The following PELI1 variants were observed in gnomAD, a reference collection of about 807,000 sequenced individuals.
PELI1 encodes pellino E3 ubiquitin protein ligase 1.
In PELI1, 15 loss-of-function variants were observed where a neutral mutation model predicts 41.3. The ratio of observed to expected loss-of-function variants is 0.36; its 90% CI spans 0.24 to 0.56. The LOEUF (loss-of-function observed/expected upper bound fraction) is 0.56, where lower values mean the gene tolerates loss of function less well. PELI1 is among the 20% of genes least tolerant of loss of function. The pLI, the probability that PELI1 is intolerant of heterozygous loss-of-function variation, is 0.82. For synonymous variants in PELI1, 178 were observed against 180.1 expected, an observed-to-expected ratio of 0.99 and a Z score of 0.09; for missense variants, 403 against 525.5, an observed-to-expected ratio of 0.77 and a Z score of 2.28.
chr2:64,108,388 GA>G lies in PELI1; in HGVS notation c.-69-10del. ...ACCTTTTGCATTATTTCCTAGAGGGGAAAAGTTTTCATTAATAATGTGAACA... is the reference window on the plus strand; with the variant it reads ...ACCTTTTGCATTATTTCCTAGAGGGGAAAGTTTTCATTAATAATGTGAACA... On this transcript the variant is annotated splice_polypyrimidine_tract_variant and intron_variant, in intron 1 of 6. Transcript: ENST00000358912. The G allele has an allele frequency of 1.2e-6, 1 of 837,464 alleles. No individual in the cohort carries two copies. 51.9% of individuals were successfully genotyped at this position (837,464 alleles called of 1,614,324 possible).
chr2:64,136,222 T>C (rs543599609), intron 1 of PELI1, among the ~76,000 whole-genome samples: 1 of 152,306 alleles, frequency 6.6e-6, no homozygotes, highest in East Asian at 1.9e-4. Flanking sequence ...ATCAAAGGTT[T>C]TAAAAGACTT....
At chr2:64,142,735 T>A (rs1375640977) in intron 1 of PELI1, among the ~76,000 whole-genome samples, 1 of 152,192 alleles carries the variant, frequency 6.6e-6, no homozygotes, top group Non-Finnish European at 1.5e-5. Context: ...AAAGTGAACC[T>A]TTACCACAAT....
intron 1 of PELI1, among the ~76,000 whole-genome samples, chr2:64,121,828 C>T (rs1436061258): frequency 6.6e-6 from 1 of 151,670 alleles, no homozygotes; most frequent in Non-Finnish European, 1.5e-5. Flanking sequence ...TAGCTTGAAC[C>T]CGGGAGGCGG....
intron 2 of PELI1, among the ~76,000 whole-genome samples, 164 bp downstream of exon 2, chr2:64,108,076 G>A (rs1458874845): frequency 6.6e-6 from 1 of 152,124 alleles, no homozygotes; most frequent in African/African-American, 2.4e-5. Context: ...GCATGAATAT[G>A]AGAAGTAAAA....
rs187889402 is a variant in PELI1, at chr2:64,136,431, G to A, written c.-70+7650C>T. ...CACACACTAAAGGGACAAAAACTCT[G>A]AGTGAATTAAAGAACTAGATTCCTA... On this transcript the variant is annotated intron_variant, in intron 1 of 6. Coordinates refer to ENST00000358912, the MANE Select transcript of PELI1 (RefSeq NM_020651.4). Among the ~76,000 whole-genome samples, 5 of 152,232 alleles carry A rather than the reference G, an allele frequency of 3.3e-5. No individual in the cohort carries two copies. The East Asian group carries it at 5.8e-4, about 18-fold the overall frequency.
intron 2 of PELI1, among the ~76,000 whole-genome samples, chr2:64,107,974 G>C (rs1443362249): frequency 6.6e-6 from 1 of 151,870 alleles, no homozygotes; most frequent in Non-Finnish European, 1.5e-5. Context: ...CACCATGCCC[G>C]GACTTTCCAT....
At chr2:64,144,006 T>C (rs961793604) in intron 1 of PELI1, 75 bp downstream of exon 1, 1 of 151,324 alleles carries the variant, frequency 6.6e-6, no homozygotes, top group African/African-American at 2.4e-5. Context: ...CCGAGGAAGT[T>C]GCGCGCCCGC....
intron 1 of PELI1, among the ~76,000 whole-genome samples, chr2:64,113,575 A>T (rs1181866128): frequency 6.6e-6 from 1 of 152,152 alleles, no homozygotes; most frequent in African/African-American, 2.4e-5. Context: ...TTTGCTTGAT[A>T]CTCGAAAGCA....
intron 1 of PELI1, among the ~76,000 whole-genome samples, chr2:64,111,510 C>T (rs1416736730): frequency 2.6e-5 from 4 of 152,082 alleles, no homozygotes; most frequent in African/African-American, 7.2e-5. Flanking sequence ...AAACACCTCT[C>T]GTCACCCTAG....
chr2:64,135,169 T>C (rs1681676064), intron 1 of PELI1, among the ~76,000 whole-genome samples: 1 of 152,142 alleles, frequency 6.6e-6, no homozygotes, highest in South Asian at 2.1e-4. Flanking sequence ...AAAATAGTTT[T>C]TGAAATTCCA....
chr2:64,104,539 C>A lies in PELI1; in HGVS notation c.201+162G>T, dbSNP rs1021835486. On this transcript the variant is annotated intron_variant, in intron 3 of 6. Transcript: ENST00000358912. ...AAAGTCCAATTCCCCTTCCATATGGCAGCTCTTCAAATACCATGTCTCCAA... is the reference window on the plus strand; with the variant it reads ...AAAGTCCAATTCCCCTTCCATATGGAAGCTCTTCAAATACCATGTCTCCAA... 27 of 1,102,952 alleles carry A rather than the reference C, an allele frequency of 2.4e-5. 1 individual carries two copies. Among genetic ancestry groups the A allele is most frequent in the Middle Eastern group, 3.3e-4 (1 of 2,990 alleles). The allele number at this position is 1,102,952 out of a possible 1,614,324, so 68.3% of individuals were successfully genotyped here.
At chr2:64,102,842 T>C (rs957420605) in intron 3 of PELI1, among the ~76,000 whole-genome samples, 2 of 132,438 alleles carry the variant, frequency 1.5e-5, no homozygotes, top group African/African-American at 2.7e-5. Context: ...AATCTTTTTT[T>C]TTTTTTTTTT....
At chr2:64,129,570 A>T (rs989469036) in intron 1 of PELI1, among the ~76,000 whole-genome samples, 1 of 152,190 alleles carries the variant, frequency 6.6e-6, no homozygotes. Context: ...TATTTAAAAA[A>T]CAAATTCTTA....
chr2:64,132,645 G>A (rs917214894), intron 1 of PELI1, among the ~76,000 whole-genome samples: 1 of 152,166 alleles, frequency 6.6e-6, no homozygotes, highest in Admixed American at 6.5e-5. Context: ...GGAGCTCTCA[G>A]ACTGAGAAAA....
At chr2:64,109,508 T>A (rs1680734470) in intron 1 of PELI1, among the ~76,000 whole-genome samples, 1 of 151,728 alleles carries the variant, frequency 6.6e-6, no homozygotes, top group Non-Finnish European at 1.5e-5. Flanking sequence ...TGGATAAACC[T>A]GGTCTCTACT....
intron 1 of PELI1, among the ~76,000 whole-genome samples, chr2:64,129,549 A>G (rs1018041212): frequency 1.3e-5 from 2 of 152,206 alleles, no homozygotes; most frequent in Non-Finnish European, 2.9e-5. Context: ...ACCTTTTCAA[A>G]AAGAGGACTT....
At chr2:64,124,881 CA>C (rs1681336114) in intron 1 of PELI1, among the ~76,000 whole-genome samples, 1 of 152,132 alleles carries the variant, frequency 6.6e-6, no homozygotes, top group Non-Finnish European at 1.5e-5. Flanking sequence ...GTTCAGATGC[CA>C]ATCAAAGTCC....
chr2:64,119,971 A>G (rs186742720), intron 1 of PELI1, among the ~76,000 whole-genome samples: 2 of 152,218 alleles, frequency 1.3e-5, no homozygotes, highest in Admixed American at 6.5e-5. Flanking sequence ...AGTGAAACTG[A>G]TTTTTGTGGT....
At chr2:64,131,373 C>A (rs1681550158) in intron 1 of PELI1, among the ~76,000 whole-genome samples, 1 of 151,934 alleles carries the variant, frequency 6.6e-6, no homozygotes, top group South Asian at 2.1e-4. Context: ...GTAGGGACCT[C>A]TGACTTATAA....
Sources: allele counts gnomAD v4.1 joint callset (sites outside exome capture counted in the v4.1 genomes callset), GRCh38; gene constraint gnomAD v4.1.1; transcripts MANE v1.5; gene names NCBI Gene and HGNC (gene_info 2026-07-23, HGNC 2026-07-21).